The following DAAM1 variants were observed in gnomAD, a reference collection of about 807,000 sequenced individuals.
DAAM1 encodes the protein dishevelled associated activator of morphogenesis 1, also known as disheveled-associated activator of morphogenesis 1.
DAAM1 carries 52 observed loss-of-function variants against 130.0 expected under a neutral mutation model. The observed-to-expected ratio is 0.40, with a 90% CI of 0.32 to 0.50. The LOEUF is 0.50. Ranked by LOEUF, DAAM1 falls within the 20% of genes least tolerant of loss-of-function variation. DAAM1 has a pLI of 0.61. For missense variants in DAAM1, 1,134 were observed against 1,303.8 expected (o/e 0.87, Z 2.01); for synonymous variants, 452 against 444.5 (o/e 1.02, Z -0.21).
In DAAM1 at chr14:59,314,230, T is replaced by C. The variant is rs1398162075; in HGVS notation, c.274-1050T>C. On this transcript the variant is annotated intron_variant, in intron 3 of 24. Transcript: ENST00000360909. ...ATGTTAAAACCTAGTAGGTAGTCAC[T>C]GCTTCATTATGAGACAGTAGCTGTG... Among the ~76,000 whole-genome samples the C allele has an allele frequency of 3.9e-5, 6 of 152,260 alleles. No individual in the cohort carries two copies. In the East Asian group the frequency reaches 1.2e-3, roughly 29 times the overall value.
chr14:59,217,115 A>G (rs983427675), intron 1 of DAAM1, among the ~76,000 whole-genome samples: 6 of 152,142 alleles, frequency 3.9e-5, no homozygotes, highest in Admixed American at 2.6e-4. Context: ...GCTGGTTTTC[A>G]TGGAGGCAGG....
chr14:59,344,212 G>T lies in DAAM1; in HGVS notation c.2076-3327G>T, dbSNP rs184226563. Among the ~76,000 whole-genome samples the T allele has an allele frequency of 8.6e-3, 1,315 of 152,278 alleles. 20 individuals carry two copies. Among genetic ancestry groups the T allele is most frequent in the Non-Finnish European group, 9.3e-3 (635 of 68,016 alleles). ...GTAAACCACAAAAAGCTACTCTAAA[G>T]TAGGGGGATTTGGCCTAAATCCACT... is the stretch of plus-strand genomic sequence containing the variant. On this transcript the variant is annotated intron_variant, in intron 16 of 24. Coordinates refer to ENST00000360909, the MANE Select transcript of DAAM1 (RefSeq NM_001270520.2).
At chr14:59,241,645 A>G (rs1160214023) in intron 1 of DAAM1, among the ~76,000 whole-genome samples, 1 of 152,176 alleles carries the variant, frequency 6.6e-6, no homozygotes, top group African/African-American at 2.4e-5. Flanking sequence ...ACTGCACCCA[A>G]TTCAAACATC....
intron 2 of DAAM1, among the ~76,000 whole-genome samples, chr14:59,268,942 C>T (rs181947241): frequency 1.1e-4 from 17 of 152,310 alleles, no homozygotes; most frequent in East Asian, 7.7e-4. Context: ...GAGTCCTAAG[C>T]GTGACAACTC....
At chr14:59,235,564 T>G (rs1354015517) in intron 1 of DAAM1, among the ~76,000 whole-genome samples, 1 of 152,172 alleles carries the variant, frequency 6.6e-6, no homozygotes, top group Non-Finnish European at 1.5e-5. Context: ...GGTCTATCTA[T>G]TTTTTAAATT....
rs535647061 is a variant in DAAM1, at chr14:59,228,415, A to G, written c.-37-35026A>G. On this transcript the variant is annotated intron_variant, in intron 1 of 24. Transcript: ENST00000360909. The stretch of plus-strand genomic sequence containing the variant: ...TCCCTCCTCCGCTCCCCAACTTCCA[A>G]GAAAAAAAACTAAAGGAAGGGGAAA... Among the ~76,000 whole-genome samples the G allele has an allele frequency of 2.3e-3, 346 of 152,292 alleles. 2 individuals carry two copies. Among genetic ancestry groups the G allele is most frequent in the African/African-American group, 7.7e-3 (319 of 41,554 alleles).
At chr14:59,341,541 T>C (rs1885848217) in intron 16 of DAAM1, among the ~76,000 whole-genome samples, 1 of 152,224 alleles carries the variant, frequency 6.6e-6, no homozygotes, top group Non-Finnish European at 1.5e-5. Flanking sequence ...TTTTTAGTTA[T>C]TGTTGATCTC....
In DAAM1 at chr14:59,355,431, A is replaced by G. The variant is rs551801040; in HGVS notation, c.2525+98A>G. On this transcript the variant is annotated intron_variant, in intron 20 of 24. Transcript: ENST00000360909. ...TCCTCCTCAGCCTTCATGACACTGC[A>G]TTCTTCAGTTGGAACTTCTCTTTCT... 51 of 1,417,508 alleles carry G rather than the reference A, an allele frequency of 3.6e-5. No homozygotes were observed. The East Asian group carries it at 1.1e-3, about 32-fold the overall frequency. The allele number at this position is 1,417,508 out of a possible 1,614,324, so 87.8% of individuals were successfully genotyped here. A position where few individuals can be genotyped will look rare whatever the true frequency, so the allele number is the denominator to read the frequency against.
Position 59,340,199 on chromosome 14 carries a change from A to C in DAAM1, c.2075+19A>C. The stretch of plus-strand genomic sequence containing the variant: ...TATCGAGGTATTGTTGATGTTGAAT[A>C]AACATTTCTAGTAGGACCAACATTT... On this transcript the variant is annotated intron_variant, in intron 16 of 24. Coordinates refer to ENST00000360909, the MANE Select transcript of DAAM1 (RefSeq NM_001270520.2). 1 of 1,604,224 alleles carries C rather than the reference A, an allele frequency of 6.2e-7. No individual in the cohort carries two copies. Among genetic ancestry groups the C allele is most frequent in the African/African-American group, 1.3e-5 (1 of 74,874 alleles).
intron 5 of DAAM1, among the ~76,000 whole-genome samples, chr14:59,322,690 G>GT (rs972582542): frequency 4.1e-4 from 62 of 151,912 alleles, no homozygotes; most frequent in Admixed American, 9.8e-4. Flanking sequence ...AAATGGAGGG[G>GT]TTTTTTTTCA....
In DAAM1 at chr14:59,312,041, A is replaced by C. The variant is rs530450216; in HGVS notation, c.274-3239A>C. The stretch of plus-strand genomic sequence containing the variant: ...TCCCCTTTGTATTGTTTGTTAATTC[A>C]AACAGTGCTATAGTGAAAAATTTTC... On this transcript the variant is annotated intron_variant, in intron 3 of 24. Transcript: ENST00000360909. 5.3e-5 allele frequency among the ~76,000 whole-genome samples: 8 copies of C among 152,318 alleles called. No individual in the cohort carries two copies. The East Asian group carries it at 1.5e-3, about 29-fold the overall frequency.
At chr14:59,288,514 A>G (rs1001843642) in intron 2 of DAAM1, among the ~76,000 whole-genome samples, 1 of 152,214 alleles carries the variant, frequency 6.6e-6, no homozygotes, top group African/African-American at 2.4e-5. Context: ...CAAAGTGTGC[A>G]TCTGACAAAG....
intron 2 of DAAM1, among the ~76,000 whole-genome samples, chr14:59,270,850 A>T (rs1420532049): frequency 2.6e-5 from 4 of 152,150 alleles, no homozygotes; most frequent in Non-Finnish European, 4.4e-5. Flanking sequence ...TGGGTGAAAC[A>T]TGCAAAATGT....
At chr14:59,307,747 T>C (rs1252732818) in intron 3 of DAAM1, among the ~76,000 whole-genome samples, 2 of 152,124 alleles carry the variant, frequency 1.3e-5, no homozygotes, top group Admixed American at 1.3e-4. Context: ...AACGGATGGT[T>C]ATACAGGAGA....
chr14:59,327,342 T>C (rs949677614), intron 12 of DAAM1, among the ~76,000 whole-genome samples: 1 of 151,124 alleles, frequency 6.6e-6, no homozygotes, highest in Non-Finnish European at 1.5e-5. Context: ...TTAAGAAATG[T>C]AATAAGGGAC....
intron 3 of DAAM1, among the ~76,000 whole-genome samples, chr14:59,305,972 A>AG (rs1566694383): frequency 6.6e-6 from 1 of 152,184 alleles, no homozygotes; most frequent in African/African-American, 2.4e-5. Context: ...ATTTTTTCCC[A>AG]GGGGAGTTCA....
At position 59,367,549 on chromosome 14, in the gene DAAM1, A is replaced by G. The variant is rs777190610; in HGVS notation, c.2947A>G (p.Met983Val). The G allele has an allele frequency of 6.2e-7, 1 of 1,614,038 alleles. No individual in the cohort carries two copies. The highest frequency in any genetic ancestry group is 8.5e-7 in the Non-Finnish European group (1 of 1,179,942). Residue 983 changes from methionine to valine, a missense_variant, in exon 24 of 25, where the codon ATG (methionine) becomes GTG (valine). Physicochemically the swap from Met to Val is conservative, Grantham distance 21. Transcript: ENST00000360909. Reference protein sequence around the residue: ...VSEAKQENENMRKKKEEEERR... With the variant: ...VSEAKQENENVRKKKEEEERR... ...AGAAGCCAAACAAGAAAACGAAAAT[A>G]TGAGAAAGAAAAAGGAGGAAGAAGA...
intron 1 of DAAM1, among the ~76,000 whole-genome samples, chr14:59,254,514 A>C (rs1486450537): frequency 6.6e-6 from 1 of 152,110 alleles, no homozygotes. Context: ...AATTATTTGC[A>C]TTTCTTTTGA....
At chr14:59,299,226 A>G (rs1002186283) in intron 3 of DAAM1, among the ~76,000 whole-genome samples, 5 of 152,194 alleles carry the variant, frequency 3.3e-5, no homozygotes, top group African/African-American at 1.2e-4. Context: ...TTTTTCTAAG[A>G]TAAATAGAAG....
Sources: allele counts gnomAD v4.1 joint callset (sites outside exome capture counted in the v4.1 genomes callset), GRCh38; gene constraint gnomAD v4.1.1; transcripts MANE v1.5; gene names NCBI Gene and HGNC (gene_info 2026-07-23, HGNC 2026-07-21).